Variants in KIF6 observed in about 807,000 individuals in gnomAD.
The protein encoded by KIF6 is kinesin-like protein KIF6.
In KIF6, 106 loss-of-function variants were observed where a neutral mutation model predicts 112.7. That is an observed-to-expected ratio of 0.94 (90% CI 0.80 to 1.11). The LOEUF (loss-of-function observed/expected upper bound fraction) is 1.11. Among genes scored for constraint, KIF6 ranks in the 50% least tolerant of loss-of-function variants. The pLI is 0.00. For synonymous variants in KIF6, 339 were observed against 339.9 expected (o/e 1.00, Z 0.03); for missense variants, 929 against 964.0 (o/e 0.96, Z 0.48).
At chr6:39,576,611 C>T (rs1375489709) in intron 10 of KIF6, among the ~76,000 whole-genome samples, 1 of 152,158 alleles carries the variant, frequency 6.6e-6, no homozygotes, top group Non-Finnish European at 1.5e-5. Flanking sequence ...TCTCGACTAG[C>T]ACCTGTGGCT....
At chr6:39,685,029 G>A (rs903739487) in intron 3 of KIF6, among the ~76,000 whole-genome samples, 5 of 152,132 alleles carry the variant, frequency 3.3e-5, no homozygotes, top group Non-Finnish European at 7.4e-5. Context: ...GGGAAGTGAA[G>A]TATAGGCAAG....
intron 13 of KIF6, among the ~76,000 whole-genome samples, chr6:39,525,597 A>G (rs1777671793): frequency 6.6e-6 from 1 of 152,044 alleles, no homozygotes; most frequent in Non-Finnish European, 1.5e-5. Context: ...TCTACTAAAA[A>G]TACAAAAATT....
chr6:39,499,516 A>G (rs1775987989), intron 13 of KIF6, among the ~76,000 whole-genome samples: 1 of 152,160 alleles, frequency 6.6e-6, no homozygotes, highest in Non-Finnish European at 1.5e-5. Flanking sequence ...ACTTCCAAGT[A>G]GGACATAGTA....
chr6:39,531,412 G>A (rs919859825), intron 13 of KIF6, among the ~76,000 whole-genome samples: 12 of 152,208 alleles, frequency 7.9e-5, no homozygotes, highest in African/African-American at 2.9e-4. Flanking sequence ...AGATGGTGTG[G>A]GCAAGAAGAC....
chr6:39,460,535 G>GAAAAAAAAAAAAAAAAAAAAAAAA (rs1491244154), intron 13 of KIF6, among the ~76,000 whole-genome samples: 1 of 31,622 alleles, frequency 3.2e-5, no homozygotes, highest in African/African-American at 1.1e-4. Flanking sequence ...AAAAAAAAAA[G>GAAAAAAAAAAAAAAAAAAAAAAAA]TAAAAAAAAA....
At chr6:39,413,459 G>A (rs1769640222) in intron 15 of KIF6, among the ~76,000 whole-genome samples, 1 of 152,076 alleles carries the variant, frequency 6.6e-6, no homozygotes, top group South Asian at 2.1e-4. Flanking sequence ...TGAGGAGTGG[G>A]GACATGATCT....
intron 6 of KIF6, among the ~76,000 whole-genome samples, chr6:39,598,644 G>A (rs185091765): frequency 1.3e-5 from 2 of 151,738 alleles, no homozygotes; most frequent in African/African-American, 2.4e-5. Context: ...CGCAATATGC[G>A]ATAAGGACAT....
At chr6:39,697,578 T>C (rs1434968288) in intron 3 of KIF6, among the ~76,000 whole-genome samples, 1 of 151,388 alleles carries the variant, frequency 6.6e-6, no homozygotes, top group Admixed American at 6.6e-5. Flanking sequence ...AGTCTTGCTC[T>C]CTTTGCCAGG....
chr6:39,601,546 A>G, intron 6 of KIF6, among the ~76,000 whole-genome samples: 1 of 152,004 alleles, frequency 6.6e-6, no homozygotes, highest in Non-Finnish European at 1.5e-5. Context: ...TGAATTGAAT[A>G]TATTATTATT....
intron 10 of KIF6, among the ~76,000 whole-genome samples, chr6:39,549,257 T>A (rs1191242213): frequency 6.6e-6 from 1 of 152,040 alleles, no homozygotes; most frequent in Non-Finnish European, 1.5e-5. Context: ...TGTAGCCATA[T>A]GTCCCTAAAA....
chr6:39,495,056 G>A (rs1252554514), intron 13 of KIF6, among the ~76,000 whole-genome samples: 1 of 152,166 alleles, frequency 6.6e-6, no homozygotes, highest in Non-Finnish European at 1.5e-5. Flanking sequence ...CATGTTGGTG[G>A]TCACTCCCGA....
chr6:39,525,753 T>C (rs560463747), intron 13 of KIF6, among the ~76,000 whole-genome samples: 3 of 152,022 alleles, frequency 2.0e-5, no homozygotes, highest in South Asian at 2.1e-4. Context: ...GATGGCTCCA[T>C]TGCACTTCAG....
At chr6:39,510,488 G>A (rs1248613893) in intron 13 of KIF6, among the ~76,000 whole-genome samples, 4 of 152,062 alleles carry the variant, frequency 2.6e-5, no homozygotes, top group Admixed American at 6.5e-5. Context: ...TTACAGACAA[G>A]CAAATGCTAA....
intron 1 of KIF6, among the ~76,000 whole-genome samples, chr6:39,722,027 T>C (rs965408845): frequency 3.3e-5 from 5 of 152,094 alleles, no homozygotes. Context: ...GAAGAATTCA[T>C]GCAGAAAAGT....
chr6:39,504,510 A>G (rs1222500836), intron 13 of KIF6, among the ~76,000 whole-genome samples: 1 of 152,206 alleles, frequency 6.6e-6, no homozygotes, highest in Non-Finnish European at 1.5e-5. Flanking sequence ...GCAATCAGGC[A>G]AGATAAATAA....
intron 10 of KIF6, among the ~76,000 whole-genome samples, chr6:39,546,615 C>T (rs1779080817): frequency 6.6e-6 from 1 of 152,116 alleles, no homozygotes. Flanking sequence ...CACTTGAGGT[C>T]AGGAGTTCAA....
chr6:39,424,323 C>A (rs147981331), intron 14 of KIF6, among the ~76,000 whole-genome samples: 1 of 152,294 alleles, frequency 6.6e-6, no homozygotes, highest in Non-Finnish European at 1.5e-5. Context: ...TCCCCAGCAC[C>A]CTGCACTTCT....
Position 39,337,068 on chromosome 6 carries a change from CTCTTTCCTT to C in KIF6, c.2429-529_2429-521del, listed in dbSNP as rs1479206985. On this transcript the variant is annotated intron_variant, in intron 22 of 22. Transcript: ENST00000287152. ...TTCCTTTTTCTTTCTTTCTTTCTTT[CTCTTTCCTT>C]TCTTTCCTTCTTTCCTTTCTTTCTT... 7.4e-5 allele frequency among the ~76,000 whole-genome samples: 7 copies of C among 94,712 alleles called. No individual in the cohort carries two copies. The East Asian group carries it at 2.8e-3, about 38-fold the overall frequency. 62.1% of individuals were successfully genotyped at this position (94,712 alleles called of 152,430 possible).
At chr6:39,652,086 C>T (rs1395403959) in intron 3 of KIF6, among the ~76,000 whole-genome samples, 1 of 152,068 alleles carries the variant, frequency 6.6e-6, no homozygotes, top group Non-Finnish European at 1.5e-5. Context: ...CTTCTAGGGG[C>T]ACACTATGAG....
Sources: gnomAD v4.1 joint callset for allele counts (sites outside exome capture counted in the v4.1 genomes callset) on GRCh38, gnomAD v4.1.1 for gene constraint, MANE v1.5 for transcripts, NCBI Gene and HGNC (gene_info 2026-07-23, HGNC 2026-07-21) for gene names.